The following PACSIN1 variants were observed in gnomAD, a reference collection of about 807,000 sequenced individuals.
The protein encoded by PACSIN1 is protein kinase C and casein kinase substrate in neurons 1.
A neutral mutation model predicts 59.5 loss-of-function variants in PACSIN1; 15 were observed. That is an observed-to-expected ratio of 0.25 (90% confidence interval 0.17 to 0.39). The LOEUF (loss-of-function observed/expected upper bound fraction) is 0.39. Among genes scored for constraint, PACSIN1 ranks in the 10% least tolerant of loss-of-function variants. PACSIN1 has a pLI of 1.00. For synonymous variants in PACSIN1, 210 were observed against 220.6 expected (o/e 0.95, Z 0.42); for missense variants, 420 against 580.2 (o/e 0.72, Z 2.84).
intron 1 of PACSIN1, among the ~76,000 whole-genome samples, chr6:34,500,461 G>A (rs961680010): frequency 2.6e-5 from 4 of 152,164 alleles, no homozygotes; most frequent in African/African-American, 7.2e-5. Context: ...TGAGCAGTAG[G>A]TCTCAACAGT....
At chr6:34,477,102 A>C (rs1474090281) in intron 1 of PACSIN1, among the ~76,000 whole-genome samples, 1 of 152,164 alleles carries the variant, frequency 6.6e-6, no homozygotes, top group Non-Finnish European at 1.5e-5. Flanking sequence ...CTCAGCCCTG[A>C]GGGCTTCCTC....
chr6:34,491,190 A>T (rs1253526805), intron 1 of PACSIN1, among the ~76,000 whole-genome samples: 2 of 152,148 alleles, frequency 1.3e-5, no homozygotes, highest in African/African-American at 4.8e-5. Flanking sequence ...ATTTGCTGCT[A>T]AAGAGGCCCT....
At chr6:34,476,338 A>C (rs1766638307) in intron 1 of PACSIN1, among the ~76,000 whole-genome samples, 1 of 152,222 alleles carries the variant, frequency 6.6e-6, no homozygotes, top group Non-Finnish European at 1.5e-5. Context: ...TCTCTCGCCA[A>C]GCGTGTGATA....
rs747178336 is a variant in PACSIN1, at chr6:34,530,739, G to A, written c.1037+152G>A. On this transcript the variant is annotated intron_variant, in intron 8 of 9. Transcript: ENST00000244458. The surrounding 1 kb of genome is among the most constrained non-coding windows in gnomAD (Gnocchi z 4.4). ...GGTAGTTCATCACTCTAAAGCAGCC[G>A]TCCCCAATCTTTTTGGGACCAGGGA... 5 of 887,636 alleles carry A rather than the reference G, an allele frequency of 5.6e-6. No homozygotes were observed. Among genetic ancestry groups the A allele is most frequent in the Non-Finnish European group, 7.6e-6 (5 of 655,274 alleles). The allele number at this position is 887,636 out of a possible 1,614,324, so 55.0% of individuals were successfully genotyped here. A position where few individuals can be genotyped will look rare whatever the true frequency, so the allele number is the denominator to read the frequency against.
In PACSIN1 at chr6:34,484,520, G is replaced by A. The variant is rs527245137; in HGVS notation, c.-64+18250G>A. Among the ~76,000 whole-genome samples, 10 of 152,310 alleles carry A rather than the reference G, an allele frequency of 6.6e-5. No individual in the cohort carries two copies. The East Asian group carries it at 1.3e-3, about 21-fold the overall frequency. ...AGGCAACTTTTCTGTATGATACTAT[G>A]ATGGTAGATACATGTCATCAACATG... On this transcript the variant is annotated intron_variant, in intron 1 of 9. Coordinates refer to ENST00000244458, the MANE Select transcript of PACSIN1 (RefSeq NM_020804.5).
intron 1 of PACSIN1, among the ~76,000 whole-genome samples, chr6:34,476,844 A>G (rs138661398): frequency 3.9e-5 from 6 of 152,308 alleles, no homozygotes; most frequent in African/African-American, 1.2e-4. Flanking sequence ...GGCCAAGACA[A>G]TCCTGACAGG....
At chr6:34,479,670 G>A (rs1163530529) in intron 1 of PACSIN1, among the ~76,000 whole-genome samples, 1 of 151,618 alleles carries the variant, frequency 6.6e-6, no homozygotes, top group East Asian at 1.9e-4. Flanking sequence ...TGCCCGGGCT[G>A]GACTTGAACT....
chr6:34,507,791 G>C (rs1240749401), intron 1 of PACSIN1, among the ~76,000 whole-genome samples: 1 of 152,106 alleles, frequency 6.6e-6, no homozygotes, highest in African/African-American at 2.4e-5. Flanking sequence ...CATGTAAGTG[G>C]AATAATGCAG....
In PACSIN1 at chr6:34,534,622, G is replaced by A. The variant is rs949659598; in HGVS notation, c.*2092G>A. 6.5e-6 allele frequency: 1 copy of A among 152,726 alleles called. No individual in the cohort carries two copies. The highest frequency in any genetic ancestry group is 1.5e-5 in the Non-Finnish European group (1 of 68,146). 9.5% of individuals were successfully genotyped at this position (152,726 alleles called of 1,614,324 possible). A position where few individuals can be genotyped will look rare whatever the true frequency, so the allele number is the denominator to read the frequency against. ...CAGCGGCTTCCCAGCACCTGGGAGG[G>A]GCTGCAGCCCCAGCTGGACTCCAGC... On this transcript the variant is annotated 3_prime_UTR_variant, in exon 10 of 10. Coordinates refer to ENST00000244458, the MANE Select transcript of PACSIN1 (RefSeq NM_020804.5).
At chr6:34,472,227 G>T (rs559143522) in intron 1 of PACSIN1, among the ~76,000 whole-genome samples, 1 of 143,454 alleles carries the variant, frequency 7.0e-6, no homozygotes, top group Non-Finnish European at 1.5e-5. Flanking sequence ...AGCCGAGATC[G>T]GGCCACTGCA....
chr6:34,467,971 C>A (rs1227736626), intron 1 of PACSIN1, among the ~76,000 whole-genome samples: 2 of 152,124 alleles, frequency 1.3e-5, no homozygotes, highest in Admixed American at 6.5e-5. Flanking sequence ...CAGGCCTGGT[C>A]CTGGCTTGAG....
intron 1 of PACSIN1, among the ~76,000 whole-genome samples, chr6:34,475,047 C>T (rs1024313512): frequency 2.0e-5 from 3 of 152,136 alleles, no homozygotes; most frequent in Admixed American, 2.0e-4. Context: ...CCTCCCAGAC[C>T]ACCTTATCAA....
At chr6:34,493,562 G>T (rs77920153) in intron 1 of PACSIN1, among the ~76,000 whole-genome samples, 1 of 152,104 alleles carries the variant, frequency 6.6e-6, no homozygotes, top group East Asian at 1.9e-4. Context: ...CTGCATCCTC[G>T]CCAACACTTG....
In PACSIN1 at chr6:34,498,971, C is replaced by T. The variant is rs964187998; in HGVS notation, c.-63-27272C>T. Among the ~76,000 whole-genome samples, 4 of 151,720 alleles carry T rather than the reference C, an allele frequency of 2.6e-5. No homozygotes were observed. The East Asian group carries it at 7.7e-4, about 29-fold the overall frequency. ...ACTGGGGTTGGGGGGTGGTTTTCCA[C>T]AGACCAGGGTTAGGGGAGGGTTGGG... On this transcript the variant is annotated intron_variant, in intron 1 of 9. Coordinates refer to ENST00000244458, the MANE Select transcript of PACSIN1 (RefSeq NM_020804.5).
intron 1 of PACSIN1, among the ~76,000 whole-genome samples, chr6:34,482,872 A>G (rs1766739979): frequency 1.3e-5 from 2 of 151,422 alleles, no homozygotes; most frequent in South Asian, 4.2e-4. Flanking sequence ...TTTTTAGTAG[A>G]GACGGGGTTT....
intron 1 of PACSIN1, among the ~76,000 whole-genome samples, chr6:34,519,046 G>A (rs1441841547): frequency 2.0e-5 from 3 of 152,148 alleles, no homozygotes; most frequent in African/African-American, 4.8e-5. Context: ...GAGGGTGGCC[G>A]GAGGAGGAAG....
rs1386737174 is a variant in PACSIN1 at position 34,514,880 on chromosome 6, C to G, written c.-63-11363C>G. ...AGGGAGCTGGCTCCTGCAGTTCTGG[C>G]GCTGCTGCCTTCCTGAGTGAGCGGT... On this transcript the variant is annotated intron_variant, in intron 1 of 9. Coordinates refer to ENST00000244458, the MANE Select transcript of PACSIN1 (RefSeq NM_020804.5). This position sits in a 1 kb window ranked among gnomAD's most constrained non-coding sequence, Gnocchi z 4.4. The G allele has an allele frequency of 1.3e-5, 2 of 152,298 alleles. No individual in the cohort carries two copies. The highest frequency in any genetic ancestry group is 2.9e-5 in the Non-Finnish European group (2 of 68,114). 9.4% of individuals were successfully genotyped at this position (152,298 alleles called of 1,614,324 possible). A position where few individuals can be genotyped will look rare whatever the true frequency, so the allele number is the denominator to read the frequency against.
intron 1 of PACSIN1, among the ~76,000 whole-genome samples, chr6:34,489,121 T>C (rs1766834981): frequency 6.6e-6 from 1 of 150,540 alleles, no homozygotes; most frequent in Admixed American, 6.6e-5. Flanking sequence ...GTGGAGGTTG[T>C]AGTGAGCCGA....
rs776755154 is a variant in PACSIN1 at position 34,530,333 on chromosome 6, C to T, written c.879C>T (p.Pro293=). 129 of 1,613,970 alleles carry T rather than the reference C, an allele frequency of 8.0e-5. No homozygotes were observed. Among genetic ancestry groups the T allele is most frequent in the South Asian group, 7.4e-4 (67 of 91,070 alleles). The stretch of plus-strand genomic sequence containing the variant: ...GATGGTTCCGCAGCACCAGTGGCCC[C>T]GGCATGCCCATGAACTGGCCCCAGT... ...DLRWFRSTSG[P]GMPMNWPQFE... is the part of the protein sequence containing the mutation. Residue 293 remains proline, a synonymous_variant, in exon 7 of 10, where the codon CCC becomes CCT. Transcript: ENST00000244458. The surrounding 1 kb of genome is among the most constrained non-coding windows in gnomAD (Gnocchi z 4.4).
Sources: gnomAD v4.1 joint callset for allele counts (sites outside exome capture counted in the v4.1 genomes callset) on GRCh38, gnomAD v4.1.1 for gene constraint, Gnocchi (gnomAD v3.1) non-coding constraint, MANE v1.5 for transcripts, NCBI Gene and HGNC (gene_info 2026-07-23, HGNC 2026-07-21) for gene names.